Variants in ENPP3 observed in about 807,000 individuals in gnomAD.
ENPP3 encodes ectonucleotide pyrophosphatase/phosphodiesterase 3, also known as ectonucleotide pyrophosphatase/phosphodiesterase family member 3.
In ENPP3, 104 loss-of-function variants were observed where a neutral mutation model predicts 117.8. That is an observed-to-expected ratio of 0.88 (90% CI 0.75 to 1.04). The LOEUF (loss-of-function observed/expected upper bound fraction) is 1.04. ENPP3 is among the 50% of genes least tolerant of loss of function. ENPP3 has a pLI of 0.00. For synonymous variants in ENPP3, 380 were observed against 349.9 expected, an observed-to-expected ratio of 1.09 and a Z score of -0.96; for missense variants, 1,026 against 1,051.9, an observed-to-expected ratio of 0.98 and a Z score of 0.34.
intron 15 of ENPP3, among the ~76,000 whole-genome samples, chr6:131,718,295 A>T (rs1779940438): frequency 6.6e-6 from 1 of 152,188 alleles, no homozygotes; most frequent in African/African-American, 2.4e-5. Context: ...ATAGTCATTG[A>T]TGTGTAAAGG....
intron 7 of ENPP3, 150 bp from the exon 8 acceptor site, chr6:131,674,012 C>A: frequency 1.8e-6 from 1 of 549,548 alleles, no homozygotes; most frequent in Non-Finnish European, 3.2e-6. Flanking sequence ...GACAATATCT[C>A]CTGATATGTA....
At position 131,722,400 on chromosome 6, in the gene ENPP3, C is replaced by A. The variant is rs759486461; in HGVS notation, c.1741C>A (p.Gln581Lys). 6.2e-7 allele frequency: 1 copy of A among 1,612,588 alleles called. No individual in the cohort carries two copies. Among genetic ancestry groups the A allele is most frequent in the South Asian group, 1.1e-5 (1 of 90,746 alleles). ...ESLDCFCPHLQNSTQLEQVNQ... is the reference protein window; with the variant it reads ...ESLDCFCPHLKNSTQLEQVNQ... ...TCTTGACTGTTTCTGCCCTCACCTA[C>A]AAAATGTAAGTAACAACTTCATGCA... The change falls in exon 18 of 25, where the codon CAA becomes AAA. Residue 581 changes from glutamine to lysine, a missense_variant. Transcript: ENST00000357639.
At chr6:131,657,978 C>T (rs548312842) in intron 5 of ENPP3, among the ~76,000 whole-genome samples, 1 of 151,778 alleles carries the variant, frequency 6.6e-6, no homozygotes, top group African/African-American at 2.4e-5. Flanking sequence ...GCCTGGCCAA[C>T]GTGGTAAAAC....
intron 20 of ENPP3, among the ~76,000 whole-genome samples, chr6:131,727,300 A>G (rs1313768221): frequency 6.6e-6 from 1 of 152,202 alleles, no homozygotes; most frequent in Non-Finnish European, 1.5e-5. Context: ...TTATGCCTGT[A>G]ATCCCAGCAC....
intron 11 of ENPP3, among the ~76,000 whole-genome samples, chr6:131,680,445 A>C (rs1242360355): frequency 1.3e-5 from 2 of 152,166 alleles, no homozygotes; most frequent in African/African-American, 4.8e-5. Context: ...AAGACAAATA[A>C]ATGTGGATTT....
intron 21 of ENPP3, among the ~76,000 whole-genome samples, chr6:131,735,536 C>T (rs967669163): frequency 6.6e-6 from 1 of 152,054 alleles, no homozygotes; most frequent in African/African-American, 2.4e-5. Context: ...AGGAGGATCG[C>T]TTGAGTCCAG....
At position 131,738,029 on chromosome 6, in the gene ENPP3, A is replaced by G. The variant is rs1780437140; in HGVS notation, c.2168-2A>G. 1.3e-6 allele frequency: 2 copies of G among 1,580,848 alleles called. No individual in the cohort carries two copies. Among genetic ancestry groups the G allele is most frequent in the East Asian group, 4.5e-5 (2 of 44,002 alleles). On this transcript the variant is annotated splice_acceptor_variant, in intron 22 of 24. Transcript: ENST00000357639. LOFTEE classifies it high-confidence loss of function. ...TTAAACACTTTATGATTTTATTTTT[A>G]GAAATGTGGGACTACTTCCACAGTG...
intron 1 of ENPP3, among the ~76,000 whole-genome samples, chr6:131,640,203 G>T (rs1562422018): frequency 6.6e-6 from 1 of 152,192 alleles, no homozygotes; most frequent in Non-Finnish European, 1.5e-5. Context: ...ATGTTAATTT[G>T]TAAGTCTATG....
chr6:131,652,498 A>G, intron 3 of ENPP3, 44 bp from the exon 4 acceptor site: 1 of 1,591,594 alleles, frequency 6.3e-7, no homozygotes, highest in Non-Finnish European at 8.6e-7. Context: ...TATATTTTAT[A>G]CTGCAGGCTT....
At chr6:131,680,588 G>A (rs1779003316) in intron 11 of ENPP3, among the ~76,000 whole-genome samples, 1 of 152,220 alleles carries the variant, frequency 6.6e-6, no homozygotes, top group South Asian at 2.1e-4. Flanking sequence ...AACTTGAGAA[G>A]AAGAGGCAAA....
intron 20 of ENPP3, among the ~76,000 whole-genome samples, chr6:131,732,263 A>G (rs1411974082): frequency 2.0e-5 from 3 of 152,192 alleles, no homozygotes; most frequent in Non-Finnish European, 2.9e-5. Context: ...CAAATAGCAA[A>G]ATGTTCACTT....
chr6:131,696,166 T>C (rs1353533164), intron 15 of ENPP3, among the ~76,000 whole-genome samples: 2 of 152,214 alleles, frequency 1.3e-5, no homozygotes, highest in Admixed American at 6.5e-5. Context: ...TGGGGAAACC[T>C]GATGTTTTGA....
chr6:131,644,152 G>A lies in ENPP3; in HGVS notation c.154+2622G>A, dbSNP rs79179057. 5.6e-3 allele frequency among the ~76,000 whole-genome samples: 854 copies of A among 152,220 alleles called. 12 individuals carry two copies. Among genetic ancestry groups the A allele is most frequent in the African/African-American group, 0.02 (815 of 41,532 alleles). On this transcript the variant is annotated intron_variant, in intron 2 of 24. Transcript: ENST00000357639. ...ACTAGAACTAAAAGGACTAGAGGGA[G>A]GTGGTCATAAAATGAGATCTACTAA...
chr6:131,679,543 A>G (rs1346914964), intron 11 of ENPP3, among the ~76,000 whole-genome samples: 2 of 136,920 alleles, frequency 1.5e-5, no homozygotes, highest in Non-Finnish European at 3.1e-5. Flanking sequence ...TCAGTGGTCT[A>G]GTTCAAAACC....
chr6:131,673,966 G>A (rs1778806931), intron 7 of ENPP3, among the ~76,000 whole-genome samples, 196 bp from the exon 8 acceptor site: 2 of 152,020 alleles, frequency 1.3e-5, no homozygotes, highest in African/African-American at 4.8e-5. Flanking sequence ...ACCTGAGGGA[G>A]GTCATGGAAC....
At chr6:131,642,262 G>A (rs985870570) in intron 2 of ENPP3, among the ~76,000 whole-genome samples, 2 of 152,000 alleles carry the variant, frequency 1.3e-5, no homozygotes, top group African/African-American at 2.4e-5. Flanking sequence ...TTGACACCAC[G>A]CTAGAGTTGT....
chr6:131,726,011 A>T, intron 19 of ENPP3, 35 bp from the exon 20 acceptor site: 2 of 1,524,456 alleles, frequency 1.3e-6, no homozygotes, highest in Non-Finnish European at 1.8e-6. Flanking sequence ...TGCTAATTTC[A>T]TGAACCTTTT....
chr6:131,653,877 C>T (rs1160063736), intron 5 of ENPP3, among the ~76,000 whole-genome samples: 1 of 152,098 alleles, frequency 6.6e-6, no homozygotes, highest in Non-Finnish European at 1.5e-5. Context: ...ACTCCTACCC[C>T]ACCCCTCCCA....
At chr6:131,701,789 G>A (rs772708896) in intron 15 of ENPP3, among the ~76,000 whole-genome samples, 12 of 151,326 alleles carry the variant, frequency 7.9e-5, no homozygotes, top group Middle Eastern at 3.4e-3. Context: ...GGCTGAGGCA[G>A]GAGAATTGCT....
Sources: allele counts gnomAD v4.1 joint callset (sites outside exome capture counted in the v4.1 genomes callset), GRCh38; gene constraint gnomAD v4.1.1; transcripts MANE v1.5; gene names NCBI Gene and HGNC (gene_info 2026-07-23, HGNC 2026-07-21).